Variants in USP54 observed in about 807,000 individuals in gnomAD.
USP54 encodes the protein ubiquitin specific peptidase 54.
USP54 carries 87 observed loss-of-function variants against 170.5 expected under a neutral mutation model. The ratio of observed to expected loss-of-function variants is 0.51; its 90% CI spans 0.43 to 0.61. USP54 has a LOEUF of 0.61. USP54 is among the 20% of genes least tolerant of loss of function. The probability of loss-of-function intolerance (pLI) is 0.00; values close to 1 mark genes in which losing one functional copy is unlikely to be tolerated. For missense variants in USP54, 1,786 were observed against 2,047.8 expected, an observed-to-expected ratio of 0.87 and a Z score of 2.47; for synonymous variants, 655 against 742.8, an observed-to-expected ratio of 0.88 and a Z score of 1.92.
chr10:73,554,370 C>T (rs967803651), intron 4 of USP54, among the ~76,000 whole-genome samples: 6 of 152,172 alleles, frequency 3.9e-5, no homozygotes, highest in Admixed American at 6.5e-5. Context: ...TCACTGCTTT[C>T]GCTACATCTC....
chr10:73,500,920 A>T (rs2057983862), intron 22 of USP54, 82 bp from the exon 23 acceptor site: 1 of 1,451,054 alleles, frequency 6.9e-7, no homozygotes. Flanking sequence ...CAGTGAGGCA[A>T]GCAAAGGGAA....
At chr10:73,587,155 T>G (rs1179292741) in intron 1 of USP54, among the ~76,000 whole-genome samples, 1 of 152,018 alleles carries the variant, frequency 6.6e-6, no homozygotes, top group African/African-American at 2.4e-5. Context: ...AGCATGGTAG[T>G]AGAAAGAACA....
At chr10:73,624,558 T>A (rs1475532240) in intron 1 of USP54, 1 of 151,994 alleles carries the variant, frequency 6.6e-6, no homozygotes. Context: ...CATAAAAAAA[T>A]CCAGTTATAT....
In USP54 at chr10:73,616,018, C is replaced by A. The variant is rs1253526513; in HGVS notation, c.-18+9549G>T. Among the ~76,000 whole-genome samples the A allele has an allele frequency of 2.0e-5, 3 of 149,850 alleles. 1 individual carries two copies. The highest frequency in any genetic ancestry group is 7.6e-5 in the African/African-American group (3 of 39,462). ...GGCCAGGAGTTCAAGACCAGCCTGG[C>A]CAACATGGCAAAACTCGTCTCTACT... On this transcript the variant is annotated intron_variant, in intron 1 of 22. Transcript: ENST00000339859.
chr10:73,603,398 T>C (rs1211584933), intron 1 of USP54, among the ~76,000 whole-genome samples: 3 of 152,184 alleles, frequency 2.0e-5, no homozygotes, highest in Non-Finnish European at 4.4e-5. Context: ...ATTATTCTGA[T>C]AAGGGGCTAA....
At chr10:73,598,037 A>G (rs547519982) in intron 1 of USP54, among the ~76,000 whole-genome samples, 23 of 151,478 alleles carry the variant, frequency 1.5e-4, no homozygotes, top group African/African-American at 5.5e-4. Context: ...GTGAGCCGAG[A>G]TCACGCCACT....
chr10:73,537,256 G>A (rs915416388), intron 10 of USP54, among the ~76,000 whole-genome samples: 3 of 152,032 alleles, frequency 2.0e-5, no homozygotes, highest in African/African-American at 7.2e-5. Context: ...CTTTGTAAGG[G>A]TATTTTCAAA....
intron 5 of USP54, among the ~76,000 whole-genome samples, chr10:73,543,408 C>T (rs1482717302): frequency 5.3e-5 from 8 of 152,028 alleles, no homozygotes; most frequent in African/African-American, 1.9e-4. Flanking sequence ...GCTCTGTCAC[C>T]CAGGCTGGAG....
chr10:73,564,682 A>G (rs78523685), intron 4 of USP54, among the ~76,000 whole-genome samples: 5,371 of 152,254 alleles, frequency 0.035, 152 homozygotes, highest in South Asian at 0.11. Context: ...TTCTGTTTCA[A>G]TGAGCTGTGA....
chr10:73,594,392 G>T (rs1403256330), upstream of USP54, among the ~76,000 whole-genome samples: 1 of 151,158 alleles, frequency 6.6e-6, no homozygotes, highest in Admixed American at 6.6e-5. Context: ...CTAGATTTTA[G>T]AATGTAGTGA....
chr10:73,597,168 C>T (rs989870160), intron 1 of USP54, among the ~76,000 whole-genome samples: 2 of 152,130 alleles, frequency 1.3e-5, no homozygotes, highest in African/African-American at 2.4e-5. Flanking sequence ...GGACATAAAG[C>T]GAACTAACTT....
At chr10:73,567,126 G>C (rs891264744) in intron 4 of USP54, among the ~76,000 whole-genome samples, 6 of 151,600 alleles carry the variant, frequency 4.0e-5, no homozygotes, top group Non-Finnish European at 8.8e-5. Context: ...TGATCCACCC[G>C]CCTCAGCCTC....
At chr10:73,594,915 C>CT (rs964760706), upstream of USP54, among the ~76,000 whole-genome samples, 77 of 145,696 alleles carry the variant, frequency 5.3e-4, no homozygotes, top group Middle Eastern at 7.0e-3. Context: ...TTTTTTTTAA[C>CT]TTTTTTTTTT....
At chr10:73,569,656 G>A (rs2074619523) in intron 4 of USP54, among the ~76,000 whole-genome samples, 1 of 151,316 alleles carries the variant, frequency 6.6e-6, no homozygotes. Context: ...GGGAGGTTGA[G>A]GAGAAGAATT....
intron 16 of USP54, among the ~76,000 whole-genome samples, chr10:73,526,105 C>G (rs1009862932): frequency 2.6e-5 from 4 of 152,140 alleles, no homozygotes; most frequent in African/African-American, 9.7e-5. Context: ...TATTTCTGTC[C>G]CTTCTTGCTC....
intron 3 of USP54, among the ~76,000 whole-genome samples, chr10:73,572,502 C>T (rs1564878780): frequency 6.6e-6 from 1 of 152,176 alleles, no homozygotes; most frequent in Non-Finnish European, 1.5e-5. Context: ...CCCCAGATGA[C>T]AGCACACCTC....
At chr10:73,598,465 A>C (rs994399652) in intron 1 of USP54, among the ~76,000 whole-genome samples, 3 of 152,180 alleles carry the variant, frequency 2.0e-5, no homozygotes, top group Non-Finnish European at 4.4e-5. Context: ...AAAAATACAT[A>C]AATTGGACTT....
chr10:73,597,322 A>G (rs145640637), intron 1 of USP54, among the ~76,000 whole-genome samples: 1 of 152,330 alleles, frequency 6.6e-6, no homozygotes, highest in East Asian at 1.9e-4. Context: ...TTTAGGAATC[A>G]TGCAGCTAAA....
At chr10:73,599,899 C>CT (rs536461848) in intron 1 of USP54, among the ~76,000 whole-genome samples, 4,426 of 117,884 alleles carry the variant, frequency 0.038, 229 homozygotes, top group African/African-American at 0.11. Context: ...GCACTTTGGG[C>CT]TTTTTTTTTT....
Sources: gnomAD v4.1 joint callset for allele counts (sites outside exome capture counted in the v4.1 genomes callset) on GRCh38, gnomAD v4.1.1 for gene constraint, MANE v1.5 for transcripts, NCBI Gene and HGNC (gene_info 2026-07-23, HGNC 2026-07-21) for gene names.